TET2: variants seen among roughly 807,000 people sequenced by gnomAD.
TET2 encodes methylcytosine dioxygenase TET2.
TET2 carries 299 observed loss-of-function variants against 142.9 expected under a neutral mutation model. The observed-to-expected ratio is 2.09, with a 90% CI of 1.90 to 2.30. The LOEUF is 2.30. TET2 is among the 30% of genes most tolerant of loss of function. The pLI, the probability that TET2 is intolerant of heterozygous loss-of-function variation, is 0.00. For missense variants in TET2, 2,418 were observed against 2,378.0 expected (o/e 1.02, Z -0.35); for synonymous variants, 819 against 849.0 (o/e 0.96, Z 0.61).
At chr4:105,145,945 A>T (rs908406281), upstream of TET2, 1 of 152,142 alleles carries the variant, frequency 6.6e-6, no homozygotes. Context: ...GTCTTTAAAA[A>T]TACAGGCCCC....
Position 105,265,590 on chromosome 4 carries a change from T to G in TET2, c.4044+3742T>G, listed in dbSNP as rs149335184. On this transcript the variant is annotated intron_variant, in intron 8 of 10. Transcript: ENST00000380013. ...AGAGTAGTTGGTACCTTCATTTTCC[T>G]TTGGCCAAAGTTTTATGAGGTTAGA... Among the ~76,000 whole-genome samples, 119 of 152,310 alleles carry G rather than the reference T, an allele frequency of 7.8e-4. 2 individuals carry two copies. Among genetic ancestry groups the G allele is most frequent in the African/African-American group, 2.8e-3 (116 of 41,574 alleles).
At chr4:105,254,074 G>A (rs1730005372) in intron 6 of TET2, among the ~76,000 whole-genome samples, 1 of 152,138 alleles carries the variant, frequency 6.6e-6, no homozygotes, top group Admixed American at 6.6e-5. Context: ...GTTGCTATTA[G>A]TCTGTAGTTA....
chr4:105,223,610 C>A (rs1486090969), intron 2 of TET2, among the ~76,000 whole-genome samples: 1 of 152,088 alleles, frequency 6.6e-6, no homozygotes, highest in Non-Finnish European at 1.5e-5. Context: ...ATAATGAAGT[C>A]CATAGCATTG....
Position 105,235,713 on chromosome 4 carries a change from C to G in TET2, c.1771C>G (p.Gln591Glu). The change falls in exon 3 of 11, where the codon CAG becomes GAG. Residue 591 changes from glutamine to glutamate, a missense_variant. Transcript: ENST00000380013. Reference sequence around the variant, plus strand: ...TGAGGCATCACTGCCATCAATTCTTCAGTATCAACCCAATCTCTCCAATCA... The same window carrying G: ...TGAGGCATCACTGCCATCAATTCTTGAGTATCAACCCAATCTCTCCAATCA... ...RNEASLPSIL[Q>E]YQPNLSNQMT... 1 of 1,614,146 alleles carries G rather than the reference C, an allele frequency of 6.2e-7. No homozygotes were observed. The highest frequency in any genetic ancestry group is 1.1e-5 in the South Asian group (1 of 91,080).
At chr4:105,255,919 T>TTTA (rs546520182) in intron 6 of TET2, among the ~76,000 whole-genome samples, 2,926 of 86,724 alleles carry the variant, frequency 0.034, 93 homozygotes, top group African/African-American at 0.17. Flanking sequence ...ACTAAATTTT[T>TTTA]TGATGTTCTT....
At chr4:105,219,179 G>A (rs921315104) in intron 2 of TET2, among the ~76,000 whole-genome samples, 1 of 151,932 alleles carries the variant, frequency 6.6e-6, no homozygotes, top group African/African-American at 2.4e-5. Context: ...TGGTTTAATG[G>A]CATCTCCATT....
At chr4:105,168,153 A>G (rs1320029200) in intron 1 of TET2, among the ~76,000 whole-genome samples, 1 of 152,146 alleles carries the variant, frequency 6.6e-6, no homozygotes, top group African/African-American at 2.4e-5. Context: ...TACCCAAACA[A>G]AAATTCAAGT....
At position 105,235,147 on chromosome 4, in the gene TET2, C is replaced by A. The variant is rs753786411; in HGVS notation, c.1205C>A (p.Ser402Ter). 1 of 1,613,664 alleles carries A rather than the reference C, an allele frequency of 6.2e-7. No individual in the cohort carries two copies. The highest frequency in any genetic ancestry group is 1.1e-5 in the South Asian group (1 of 91,002). ...FSATTTPPPP[S>*]QLLLSPPPPL... ...GCCACTACCACACCACCACCACCAT[C>A]ACAATTGCTTCTTTCTCCCCCTCCT... is the stretch of plus-strand genomic sequence containing the variant. Residue 402 changes from serine to a stop codon, truncating the protein, a stop_gained, in exon 3 of 11, where the codon TCA (serine) becomes TAA (stop). Coordinates refer to ENST00000380013, the MANE Select transcript of TET2 (RefSeq NM_001127208.3). LOFTEE classifies it high-confidence loss of function.
chr4:105,227,095 A>C (rs1163488365), intron 2 of TET2, among the ~76,000 whole-genome samples: 1 of 152,238 alleles, frequency 6.6e-6, no homozygotes, highest in East Asian at 1.9e-4. Context: ...CAGGAATTGC[A>C]TGAGCTGTAG....
chr4:105,214,471 ATTT>A (rs35752514), intron 2 of TET2, among the ~76,000 whole-genome samples: 1 of 92,104 alleles, frequency 1.1e-5, no homozygotes. Flanking sequence ...CACACCTGGC[ATTT>A]TTTTTTTTTT....
chr4:105,146,041 G>C (rs1396175190), upstream of TET2: 1 of 152,506 alleles, frequency 6.6e-6, no homozygotes, highest in Non-Finnish European at 1.5e-5. Flanking sequence ...AAAGGAGAGC[G>C]CGGGCAACGG....
chr4:105,215,892 G>A (rs985892087), intron 2 of TET2, among the ~76,000 whole-genome samples: 7 of 152,024 alleles, frequency 4.6e-5, no homozygotes, highest in Non-Finnish European at 8.8e-5. Context: ...ATAAATGGTC[G>A]GCCTGAGTAA....
intron 2 of TET2, among the ~76,000 whole-genome samples, chr4:105,198,918 A>T (rs1387863140): frequency 6.6e-6 from 1 of 152,216 alleles, no homozygotes; most frequent in African/African-American, 2.4e-5. Context: ...TATAATTAAC[A>T]CTTGCAGAAC....
At chr4:105,239,964 G>A (rs966957938) in intron 3 of TET2, 1 of 242,494 alleles carries the variant, frequency 4.1e-6, no homozygotes, top group Admixed American at 5.7e-5. Context: ...CCAGGGAGAG[G>A]GAGAGAGCCC....
In TET2 at chr4:105,204,407, A is replaced by G. The variant is rs185149627; in HGVS notation, c.-47+13902A>G. Among the ~76,000 whole-genome samples the G allele has an allele frequency of 1.6e-3, 241 of 152,244 alleles. 2 individuals are homozygous for G. The highest frequency in any genetic ancestry group is 5.6e-3 in the African/African-American group (233 of 41,558). On this transcript the variant is annotated intron_variant, in intron 2 of 10. Coordinates refer to ENST00000380013, the MANE Select transcript of TET2 (RefSeq NM_001127208.3). Reference sequence around the variant, plus strand: ...ATATTTAAATGAATAGTGAGCTACTATTGCCTAAAAATATTAGACATCATG... The same window carrying G: ...ATATTTAAATGAATAGTGAGCTACTGTTGCCTAAAAATATTAGACATCATG...
Position 105,235,700 on chromosome 4 carries a change from GC to G in TET2, c.1760del (p.Pro587HisfsTer14). 1 of 1,614,118 alleles carries G rather than the reference GC, an allele frequency of 6.2e-7. No individual in the cohort carries two copies. The highest frequency in any genetic ancestry group is 8.5e-7 in the Non-Finnish European group (1 of 1,180,010). On this transcript the variant is annotated frameshift_variant, in exon 3 of 11. Transcript: ENST00000380013. LOFTEE classifies it high-confidence loss of function. ...ATCTAAAACGTAATGAGGCATCACT[GC>G]CATCAATTCTTCAGTATCAACCCAA... ...SHLKRNEASL[P>X]SILQYQPNLS...
rs73836022 is a variant in TET2, at chr4:105,153,444, T to C, written c.-193+6465T>C. Among the ~76,000 whole-genome samples, 798 of 152,372 alleles carry C rather than the reference T, an allele frequency of 5.2e-3. 9 individuals carry two copies. Among genetic ancestry groups the C allele is most frequent in the African/African-American group, 0.018 (753 of 41,580 alleles). On this transcript the variant is annotated intron_variant, in intron 1 of 10. Transcript: ENST00000380013. ...ATCTTGTGATTGTGCTGTTATGCCA[T>C]ATTAAAATGTGTGTCAGAATGTAAG...
chr4:105,276,052 T>G lies in TET2; in HGVS notation c.5542T>G (p.Ser1848Ala), dbSNP rs1469472122. The G allele has an allele frequency of 4.5e-6, 7 of 1,551,578 alleles. No individual in the cohort carries two copies. Among genetic ancestry groups the G allele is most frequent in the Non-Finnish European group, 6.1e-6 (7 of 1,146,982 alleles). Residue 1848 changes from serine to alanine, a missense_variant, in exon 11 of 11, where the codon TCA becomes GCA. Coordinates refer to ENST00000380013, the MANE Select transcript of TET2 (RefSeq NM_001127208.3). ...SGAEDNDEVW[S>A]DSEQSFLDPD... ...TGCAGAGGACAACGATGAGGTCTGG[T>G]CAGACAGCGAGCAGAGCTTTCTGGA...
intron 2 of TET2, among the ~76,000 whole-genome samples, chr4:105,218,507 A>ATTTAAT (rs1210607816): frequency 1.3e-5 from 2 of 152,086 alleles, no homozygotes; most frequent in African/African-American, 2.4e-5. Context: ...GGTCTTCGTG[A>ATTTAAT]TGAGTTATTT....
Sources: allele counts gnomAD v4.1 joint callset (sites outside exome capture counted in the v4.1 genomes callset), GRCh38; gene constraint gnomAD v4.1.1; transcripts MANE v1.5; gene names NCBI Gene and HGNC (gene_info 2026-07-23, HGNC 2026-07-21).